SLC25A48: variants seen among roughly 807,000 people sequenced by gnomAD.
The protein encoded by SLC25A48 is CTC-321K16.1.
A neutral mutation model predicts 32.2 loss-of-function variants in SLC25A48; 29 were observed. The observed-to-expected ratio is 0.90, with a 90% CI of 0.67 to 1.23. The LOEUF is 1.23. SLC25A48 is among the 50% of genes most tolerant of loss of function. The pLI, the probability that SLC25A48 is intolerant of heterozygous loss-of-function variation, is 0.00. For synonymous variants in SLC25A48, 164 were observed against 172.3 expected, an observed-to-expected ratio of 0.95 and a Z score of 0.38; for missense variants, 399 against 422.7, an observed-to-expected ratio of 0.94 and a Z score of 0.49.
chr5:135,836,095 G>C lies in SLC25A48; in HGVS notation c.46+1202G>C, dbSNP rs77813281. 7.7e-3 allele frequency among the ~76,000 whole-genome samples: 1,174 copies of C among 152,298 alleles called. 12 individuals are homozygous for C. The highest frequency in any genetic ancestry group is 0.025 in the African/African-American group (1,055 of 41,558). ...AGGCAGAGAGAGGAGACACTTCCGT[G>C]GGCTGCCCCTTAAATAAGCAGACCA... On this transcript the variant is annotated intron_variant, in intron 1 of 7. Transcript: ENST00000681962.
Position 135,818,061 on chromosome 5 carries a change from CT to C in SLC25A48, c.-117+5136del. Among the ~76,000 whole-genome samples the C allele has an allele frequency of 6.2e-4, 6 of 9,694 alleles. No individual in the cohort carries two copies. The South Asian group carries it at 0.035, about 57-fold the overall frequency. 6.4% of individuals were successfully genotyped at this position (9,694 alleles called of 152,430 possible). On this transcript the variant is annotated intron_variant, in intron 4 of 10. Coordinates refer to the SLC25A48 transcript ENST00000646290. ...AGGTTTGTTCTCTCTGTTCCTCTCT[CT>C]CTCTCTCTCTCTCTCTCTCTCTCTC...
intron 3 of SLC25A48, chr5:135,714,552 G>A (rs1220536110): frequency 6.6e-6 from 1 of 152,214 alleles, no homozygotes; most frequent in East Asian, 1.9e-4. Context: ...GGTGGGTATG[G>A]GGTCCAGGGT....
At chr5:135,788,165 T>G (rs1273419734) in intron 3 of SLC25A48, among the ~76,000 whole-genome samples, 27 of 134,614 alleles carry the variant, frequency 2.0e-4, no homozygotes, top group African/African-American at 4.4e-4. Flanking sequence ...ATGTCCGGGG[T>G]GGGGGGAAGG....
chr5:135,764,250 G>A (rs993979367), intron 3 of SLC25A48, among the ~76,000 whole-genome samples: 1 of 151,996 alleles, frequency 6.6e-6, no homozygotes, highest in African/African-American at 2.4e-5. Context: ...CCATATCGTG[G>A]GGATTTAACA....
intron 2 of SLC25A48, among the ~76,000 whole-genome samples, chr5:135,634,368 TG>T (rs1458163993): frequency 1.3e-5 from 2 of 152,254 alleles, no homozygotes; most frequent in African/African-American, 4.8e-5. Context: ...CTTCTAGAGC[TG>T]AGCTGTGACC....
At chr5:135,869,111 G>A (rs1228795704) in intron 4 of SLC25A48, among the ~76,000 whole-genome samples, 1 of 152,100 alleles carries the variant, frequency 6.6e-6, no homozygotes, top group Non-Finnish European at 1.5e-5. Flanking sequence ...TTGTATGTAT[G>A]GGCATTCTTT....
chr5:135,799,430 G>T (rs1386848614), intron 3 of SLC25A48, among the ~76,000 whole-genome samples: 1 of 150,562 alleles, frequency 6.6e-6, no homozygotes, highest in African/African-American at 2.4e-5. Flanking sequence ...CCCGGTGGGG[G>T]GAGAAGATAA....
intron 1 of SLC25A48, among the ~76,000 whole-genome samples, chr5:135,583,917 C>T (rs1225162789): frequency 6.6e-6 from 1 of 152,252 alleles, no homozygotes; most frequent in Non-Finnish European, 1.5e-5. Flanking sequence ...GCCCTGCATG[C>T]TGACCCCTTC....
At chr5:135,823,469 C>T (rs1479644555) in intron 4 of SLC25A48, among the ~76,000 whole-genome samples, 2 of 152,206 alleles carry the variant, frequency 1.3e-5, no homozygotes, top group African/African-American at 4.8e-5. Context: ...TCGTTCCTGG[C>T]CAAGGTGTTC....
chr5:135,617,431 T>C (rs1327019105), intron 1 of SLC25A48, among the ~76,000 whole-genome samples: 1 of 152,022 alleles, frequency 6.6e-6, no homozygotes, highest in Non-Finnish European at 1.5e-5. Context: ...TTATTCTTTG[T>C]ATTTTTTAGT....
intron 3 of SLC25A48, among the ~76,000 whole-genome samples, chr5:135,732,497 C>T (rs1755250528): frequency 6.6e-6 from 1 of 152,122 alleles, no homozygotes; most frequent in South Asian, 2.1e-4. Flanking sequence ...TGGGCAGGGG[C>T]AAATCCCCGA....
At chr5:135,777,513 A>G (rs1298464026) in intron 3 of SLC25A48, among the ~76,000 whole-genome samples, 1 of 151,706 alleles carries the variant, frequency 6.6e-6, no homozygotes, top group East Asian at 1.9e-4. Context: ...TATTACTCCA[A>G]TATCACAGAA....
chr5:135,721,819 C>T, intron 3 of SLC25A48, among the ~76,000 whole-genome samples: 1 of 152,184 alleles, frequency 6.6e-6, no homozygotes, highest in East Asian at 1.9e-4. Context: ...TGGGAGGGTG[C>T]CAGAGCTCTG....
At chr5:135,807,270 G>T (rs1423671079) in intron 3 of SLC25A48, among the ~76,000 whole-genome samples, 1 of 150,406 alleles carries the variant, frequency 6.6e-6, no homozygotes, top group African/African-American at 2.4e-5. Flanking sequence ...AACACTCTGT[G>T]TTAACTCTGG....
At chr5:135,713,500 A>C (rs1008866374) in intron 3 of SLC25A48, among the ~76,000 whole-genome samples, 1 of 152,166 alleles carries the variant, frequency 6.6e-6, no homozygotes, top group African/African-American at 2.4e-5. Context: ...TAAACGTAGA[A>C]CCTCCAAAAG....
intron 1 of SLC25A48, among the ~76,000 whole-genome samples, chr5:135,598,226 CA>C (rs1250088876): frequency 2.0e-5 from 3 of 152,182 alleles, no homozygotes; most frequent in Non-Finnish European, 2.9e-5. Flanking sequence ...GGAGGACTCA[CA>C]AATTTGATTG....
At chr5:135,667,022 T>A (rs1354852539) in intron 3 of SLC25A48, among the ~76,000 whole-genome samples, 1 of 152,188 alleles carries the variant, frequency 6.6e-6, no homozygotes, top group Non-Finnish European at 1.5e-5. Context: ...GTGGGATCTT[T>A]TCTGGCTTTT....
intron 3 of SLC25A48, among the ~76,000 whole-genome samples, chr5:135,741,594 C>T (rs574743838): frequency 2.0e-4 from 30 of 152,142 alleles, no homozygotes; most frequent in Admixed American, 4.6e-4. Flanking sequence ...AAAGATTAGC[C>T]GGGCATGGTG....
upstream of SLC25A48, among the ~76,000 whole-genome samples, chr5:135,831,172 T>TG (rs764915184): frequency 6.6e-6 from 1 of 152,176 alleles, no homozygotes; most frequent in Non-Finnish European, 1.5e-5. Context: ...GCCGGGCTTC[T>TG]GTGATGCTCC....
Sources: gnomAD v4.1 joint callset for allele counts (sites outside exome capture counted in the v4.1 genomes callset) on GRCh38, gnomAD v4.1.1 for gene constraint, MANE v1.5 for transcripts, NCBI Gene and HGNC (gene_info 2026-07-23, HGNC 2026-07-21) for gene names.